Variants in PLCL2 observed in about 807,000 individuals in gnomAD.
PLCL2 encodes phospholipase C like 2.
In PLCL2, 4 loss-of-function variants were observed where a neutral mutation model predicts 79.6. That is an observed-to-expected ratio of 0.05 (90% CI 0.02 to 0.11). The LOEUF is 0.11. Ranked by LOEUF, PLCL2 falls within the 10% of genes least tolerant of loss-of-function variation. The pLI, the probability that PLCL2 is intolerant of heterozygous loss-of-function variation, is 1.00. For missense variants in PLCL2, 895 were observed against 1,291.0 expected (o/e 0.69, Z 4.70); for synonymous variants, 484 against 457.7 (o/e 1.06, Z -0.73).
chr3:17,028,636 C>G (rs1469974527), intron 3 of PLCL2, among the ~76,000 whole-genome samples: 1 of 151,986 alleles, frequency 6.6e-6, no homozygotes, highest in Non-Finnish European at 1.5e-5. Flanking sequence ...ACCAGCATGC[C>G]CGGCTCATTT....
In PLCL2 at chr3:17,009,298, T is replaced by G. The variant is rs2064295610; in HGVS notation, c.328-376T>G. ...ACCATGCCCGGCCAAAAAAAATTTT[T>G]TTTTGTAGAGATGGGATCTCACTGT... is the stretch of plus-strand genomic sequence containing the variant. On this transcript the variant is annotated intron_variant, in intron 1 of 5. Transcript: ENST00000615277. The surrounding 1 kb of genome is among the most constrained non-coding windows in gnomAD (Gnocchi z 4.0). Among the ~76,000 whole-genome samples the G allele has an allele frequency of 6.6e-6, 1 of 152,114 alleles. No individual in the cohort carries two copies. Among genetic ancestry groups the G allele is most frequent in the South Asian group, 2.1e-4 (1 of 4,824 alleles).
chr3:17,071,775 G>A (rs528284395), intron 5 of PLCL2, among the ~76,000 whole-genome samples: 1 of 151,864 alleles, frequency 6.6e-6, no homozygotes, highest in Non-Finnish European at 1.5e-5. Flanking sequence ...CATCTCACAA[G>A]CACTAATGTC....
intron 1 of PLCL2, among the ~76,000 whole-genome samples, chr3:16,962,029 C>T (rs1351609998): frequency 6.6e-6 from 1 of 152,068 alleles, no homozygotes; most frequent in East Asian, 1.9e-4. Flanking sequence ...AGCTGAATGG[C>T]AGTTGAAAGA....
intron 1 of PLCL2, among the ~76,000 whole-genome samples, chr3:17,000,794 T>C (rs976702653): frequency 3.7e-4 from 57 of 152,118 alleles, no homozygotes; most frequent in African/African-American, 1.4e-3. Flanking sequence ...TTATGTATAC[T>C]TACCATATTT....
At chr3:17,024,359 G>A (rs986528889) in intron 3 of PLCL2, among the ~76,000 whole-genome samples, 9 of 152,092 alleles carry the variant, frequency 5.9e-5, no homozygotes, top group African/African-American at 1.9e-4. Flanking sequence ...TACACTTCAT[G>A]TCTATTTTCT....
chr3:16,956,423 C>T (rs1366619987), intron 1 of PLCL2, among the ~76,000 whole-genome samples: 6 of 152,052 alleles, frequency 3.9e-5, no homozygotes, highest in African/African-American at 9.6e-5. Context: ...CTGCTGGATT[C>T]GGTTTGCCAG....
intron 3 of PLCL2, among the ~76,000 whole-genome samples, chr3:17,016,358 G>A (rs887819729): frequency 6.6e-6 from 1 of 152,198 alleles, no homozygotes; most frequent in Admixed American, 6.5e-5. Context: ...ACACATTGTA[G>A]TGGGGGCTGT....
chr3:16,897,070 T>C (rs1435816035), intron 1 of PLCL2, among the ~76,000 whole-genome samples: 2 of 152,094 alleles, frequency 1.3e-5, no homozygotes, highest in Non-Finnish European at 2.9e-5. Context: ...CAGATGATAG[T>C]TGGTGAGCAT....
At chr3:16,937,420 T>G (rs1318174148) in intron 1 of PLCL2, among the ~76,000 whole-genome samples, 2 of 152,186 alleles carry the variant, frequency 1.3e-5, no homozygotes, top group African/African-American at 4.8e-5. Context: ...TCAGTTGAGT[T>G]CAGGCAAAGG....
intron 4 of PLCL2, among the ~76,000 whole-genome samples, chr3:17,048,637 T>C (rs1358099124): frequency 2.6e-5 from 4 of 152,176 alleles, no homozygotes; most frequent in African/African-American, 9.7e-5. Context: ...AAAACATACT[T>C]TGCTACTGTA....
At chr3:17,003,164 T>C (rs2064227246) in intron 1 of PLCL2, among the ~76,000 whole-genome samples, 1 of 152,208 alleles carries the variant, frequency 6.6e-6, no homozygotes, top group African/African-American at 2.4e-5. Flanking sequence ...TGTTTTTCTT[T>C]TTACTTTTTT....
Position 17,012,117 on chromosome 3 carries a change from A to C in PLCL2, c.2771A>C (p.Gln924Pro). 1 of 1,614,178 alleles carries C rather than the reference A, an allele frequency of 6.2e-7. No individual in the cohort carries two copies. The change falls in exon 2 of 6, where the codon CAG becomes CCG. Residue 924 changes from glutamine to proline, a missense_variant. Coordinates refer to ENST00000615277, the MANE Select transcript of PLCL2 (RefSeq NM_001144382.2). Reference sequence around the variant, plus strand: ...GTGGATGAGGTATTCAAGAATGCCCAGCCCCCTATACGGGATGCCACAGAT... The same window carrying C: ...GTGGATGAGGTATTCAAGAATGCCCCGCCCCCTATACGGGATGCCACAGAT... ...KTVDEVFKNA[Q>P]PPIRDATDLR...
chr3:17,084,229 T>C (rs573698365), intron 5 of PLCL2, among the ~76,000 whole-genome samples: 1 of 152,120 alleles, frequency 6.6e-6, no homozygotes, highest in Non-Finnish European at 1.5e-5. Flanking sequence ...CTGCCAAAAC[T>C]CATATGAGAA....
chr3:17,008,097 G>T (rs1025558214), intron 1 of PLCL2, among the ~76,000 whole-genome samples: 1 of 152,120 alleles, frequency 6.6e-6, no homozygotes, highest in African/African-American at 2.4e-5. Context: ...TACTGGTGAT[G>T]CTAACTTCTT....
rs150399510 is a variant in PLCL2, at chr3:16,938,744, G to C, written c.327+53378G>C. On this transcript the variant is annotated intron_variant, in intron 1 of 5. Coordinates refer to ENST00000615277, the MANE Select transcript of PLCL2 (RefSeq NM_001144382.2). The stretch of plus-strand genomic sequence containing the variant: ...AATGTCTTTTGAGCTTCTTTTCCCT[G>C]TACCTTTTCTCCTTTTGTTTATGCC... Among the ~76,000 whole-genome samples, 279 of 152,224 alleles carry C rather than the reference G, an allele frequency of 1.8e-3. 5 individuals are homozygous for C. The highest frequency in any genetic ancestry group is 0.01 in the Middle Eastern group (3 of 294).
At chr3:16,956,936 C>G (rs2063711290) in intron 1 of PLCL2, among the ~76,000 whole-genome samples, 1 of 152,004 alleles carries the variant, frequency 6.6e-6, no homozygotes, top group Admixed American at 6.6e-5. Context: ...CTTTATTAGT[C>G]TTGCTAGCAG....
chr3:17,042,246 C>T (rs1251865438), intron 3 of PLCL2, among the ~76,000 whole-genome samples: 1 of 152,162 alleles, frequency 6.6e-6, no homozygotes, highest in East Asian at 1.9e-4. Flanking sequence ...CAGCTGTTCA[C>T]TGATTCTTTC....
intron 3 of PLCL2, among the ~76,000 whole-genome samples, chr3:17,033,292 G>T (rs1173938516): frequency 1.3e-5 from 2 of 152,110 alleles, no homozygotes; most frequent in African/African-American, 4.8e-5. Flanking sequence ...TCTCTGGCAA[G>T]AAATGATCAT....
chr3:17,044,804 G>A (rs1433828141), intron 4 of PLCL2, among the ~76,000 whole-genome samples: 1 of 152,154 alleles, frequency 6.6e-6, no homozygotes, highest in Admixed American at 6.5e-5. Flanking sequence ...TGGTTTATGA[G>A]ATTTGATAAT....
Sources: allele counts gnomAD v4.1 joint callset (sites outside exome capture counted in the v4.1 genomes callset), GRCh38; gene constraint gnomAD v4.1.1; non-coding constraint Gnocchi (gnomAD v3.1); transcripts MANE v1.5; gene names NCBI Gene and HGNC (gene_info 2026-07-23, HGNC 2026-07-21).